Variants in TMOD1 observed in about 807,000 individuals in gnomAD.
The protein encoded by TMOD1 is tropomodulin-1.
Under a neutral mutation model 40.6 loss-of-function variants are expected in TMOD1, and 17 were observed. The ratio of observed to expected loss-of-function variants is 0.42; its 90% confidence interval spans 0.29 to 0.63. The LOEUF is 0.63. TMOD1 is among the 20% of genes least tolerant of loss of function. The pLI is 0.22. For missense variants in TMOD1, 391 were observed against 447.6 expected (o/e 0.87, Z 1.14); for synonymous variants, 181 against 175.0 (o/e 1.03, Z -0.27).
intron 1 of TMOD1, among the ~76,000 whole-genome samples, chr9:97,505,743 T>C (rs978154735): frequency 1.1e-4 from 16 of 152,116 alleles, no homozygotes; most frequent in Non-Finnish European, 2.1e-4. Flanking sequence ...ACCACCCCAT[T>C]CATTTGCCCA....
At chr9:97,531,206 T>G (rs551178491) in intron 2 of TMOD1, among the ~76,000 whole-genome samples, 1 of 152,156 alleles carries the variant, frequency 6.6e-6, no homozygotes, top group Non-Finnish European at 1.5e-5. Flanking sequence ...CCTCATAGGA[T>G]GAGGTTTAAT....
Position 97,564,055 on chromosome 9 carries a change from C to T in TMOD1, c.505C>T (p.Gln169Ter), listed in dbSNP as rs747767417. Residue 169 changes from glutamine to a stop codon, truncating the protein, a stop_gained, in exon 6 of 10, where the codon CAA (glutamine) becomes TAA (stop). Coordinates refer to ENST00000259365, the MANE Select transcript of TMOD1 (RefSeq NM_003275.4). LOFTEE classifies it high-confidence loss of function. ...EGLNSVIKPT[Q>*]YKPVPDEEPN... ...CACTCTAGGCGTGATTAAACCCACA[C>T]AATACAAGCCTGTGCCCGACGAAGA... 6.2e-7 allele frequency: 1 copy of T among 1,614,070 alleles called. No individual in the cohort carries two copies. The highest frequency in any genetic ancestry group is 1.1e-5 in the South Asian group (1 of 91,068).
At chr9:97,552,237 G>T (rs781187858) in intron 3 of TMOD1, among the ~76,000 whole-genome samples, 1 of 152,052 alleles carries the variant, frequency 6.6e-6, no homozygotes, top group Non-Finnish European at 1.5e-5. Flanking sequence ...AGTAAAAGTG[G>T]GCACCCTTGT....
intron 1 of TMOD1, among the ~76,000 whole-genome samples, chr9:97,522,570 T>G (rs2131220355): frequency 6.6e-6 from 1 of 152,248 alleles, no homozygotes; most frequent in East Asian, 1.9e-4. Context: ...ATTTATTTAT[T>G]TACTTTTTTG....
At chr9:97,596,069 C>CAA (rs922343142) in intron 9 of TMOD1, among the ~76,000 whole-genome samples, 2 of 145,418 alleles carry the variant, frequency 1.4e-5, no homozygotes, top group African/African-American at 5.1e-5. Flanking sequence ...AAAACTCCAT[C>CAA]AAAAAAAAAA....
intron 8 of TMOD1, among the ~76,000 whole-genome samples, chr9:97,584,554 C>G (rs1382732356): frequency 6.6e-6 from 1 of 152,010 alleles, no homozygotes; most frequent in East Asian, 1.9e-4. Context: ...CCTGGGTATC[C>G]TTGTTGACTT....
At chr9:97,550,002 T>C (rs4742698) in intron 3 of TMOD1, among the ~76,000 whole-genome samples, 115,695 of 152,172 alleles carry the variant, frequency 0.76, 44,343 homozygotes, top group Middle Eastern at 0.88. Context: ...AAAACACTTT[T>C]ATTGCTCCAA....
intron 2 of TMOD1, among the ~76,000 whole-genome samples, chr9:97,526,482 C>T (rs556765486): frequency 3.3e-5 from 5 of 152,254 alleles, no homozygotes; most frequent in South Asian, 4.1e-4. Flanking sequence ...AGGTCAATAA[C>T]CAGCACAGAG....
At position 97,601,294 on chromosome 9, in the gene TMOD1, C is replaced by T. The variant is rs14066; in HGVS notation, c.*1596C>T. The T allele has an allele frequency of 0.027, 32,065 of 1,186,168 alleles. 4,964 individuals carry two copies. The African/African-American group carries it at 0.37, about 14-fold the overall frequency. The allele number at this position is 1,186,168 out of a possible 1,614,324, so 73.5% of individuals were successfully genotyped here. ...TTTCTTGGAACCTGTGTGACAGGGA[C>T]ATGTGCCTGGCACACTGGCCAGAAG... is the stretch of plus-strand genomic sequence containing the variant. On this transcript the variant is annotated 3_prime_UTR_variant, in exon 10 of 10. Coordinates refer to ENST00000259365, the MANE Select transcript of TMOD1 (RefSeq NM_003275.4).
chr9:97,588,770 TAA>T (rs1219142989), intron 8 of TMOD1, among the ~76,000 whole-genome samples: 2 of 152,194 alleles, frequency 1.3e-5, no homozygotes, highest in Non-Finnish European at 2.9e-5. Context: ...TTTCAATATA[TAA>T]GTCTTTACTT....
chr9:97,569,581 G>A (rs1830788247), intron 8 of TMOD1, among the ~76,000 whole-genome samples: 1 of 152,146 alleles, frequency 6.6e-6, no homozygotes, highest in Non-Finnish European at 1.5e-5. Context: ...TAACTTCTGT[G>A]GGTCAATCAT....
intron 6 of TMOD1, 73 bp downstream of exon 6, chr9:97,564,241 G>A (rs1830692251): frequency 6.6e-7 from 1 of 1,522,788 alleles, no homozygotes; most frequent in Non-Finnish European, 8.8e-7. Context: ...AATGCAAACG[G>A]TCCAGGGTTG....
chr9:97,587,526 T>TG (rs1181306355), intron 8 of TMOD1, among the ~76,000 whole-genome samples: 2 of 152,254 alleles, frequency 1.3e-5, no homozygotes, highest in Non-Finnish European at 1.5e-5. Flanking sequence ...TCCTCTTCAG[T>TG]GAATGTCTCT....
chr9:97,519,544 C>T (rs1001185347), intron 1 of TMOD1, among the ~76,000 whole-genome samples: 1 of 152,234 alleles, frequency 6.6e-6, no homozygotes. Flanking sequence ...TTCATCACCC[C>T]CTTCCTGCCC....
intron 8 of TMOD1, among the ~76,000 whole-genome samples, chr9:97,587,755 T>C (rs1825912241): frequency 6.6e-6 from 1 of 152,210 alleles, no homozygotes; most frequent in Non-Finnish European, 1.5e-5. Flanking sequence ...ATTCTGCTTT[T>C]ATCCCCTCCC....
At chr9:97,566,226 G>A (rs1181289853) in intron 7 of TMOD1, among the ~76,000 whole-genome samples, 2 of 152,156 alleles carry the variant, frequency 1.3e-5, no homozygotes, top group Non-Finnish European at 2.9e-5. Context: ...GGTTCGGAGA[G>A]GTCAGGCAAC....
intron 1 of TMOD1, among the ~76,000 whole-genome samples, chr9:97,521,995 C>G: frequency 6.6e-6 from 1 of 152,276 alleles, no homozygotes; most frequent in Middle Eastern, 3.4e-3. Flanking sequence ...TCATTTTTCT[C>G]TACTTTAGAA....
chr9:97,592,135 A>G (rs756260754), intron 9 of TMOD1, among the ~76,000 whole-genome samples: 8 of 152,214 alleles, frequency 5.3e-5, no homozygotes, highest in Non-Finnish European at 8.8e-5. Flanking sequence ...AGTTTGAGCA[A>G]TCATGATCTT....
chr9:97,569,808 TTTTTC>T (rs1406826041), intron 8 of TMOD1, among the ~76,000 whole-genome samples: 1 of 152,190 alleles, frequency 6.6e-6, no homozygotes, highest in East Asian at 1.9e-4. Context: ...GATAAGCCCC[TTTTTC>T]AGGGCCATAG....
Sources: allele counts gnomAD v4.1 joint callset (sites outside exome capture counted in the v4.1 genomes callset), GRCh38; gene constraint gnomAD v4.1.1; transcripts MANE v1.5; gene names NCBI Gene and HGNC (gene_info 2026-07-23, HGNC 2026-07-21).